The following ITSN1 variants were observed in gnomAD, a reference collection of about 807,000 sequenced individuals.
The protein encoded by ITSN1 is intersectin 1.
ITSN1 carries 58 observed loss-of-function variants against 239.8 expected under a neutral mutation model. The ratio of observed to expected loss-of-function variants is 0.24; its 90% CI spans 0.20 to 0.30. ITSN1 has a LOEUF of 0.30. ITSN1 is among the 10% of genes least tolerant of loss of function. The pLI is 1.00. For missense variants in ITSN1, 1,558 were observed against 2,103.3 expected (o/e 0.74, Z 5.07); for synonymous variants, 780 against 770.8 (o/e 1.01, Z -0.20).
At chr21:33,879,295 G>A (rs935355527) in intron 34 of ITSN1, among the ~76,000 whole-genome samples, 4 of 152,166 alleles carry the variant, frequency 2.6e-5, no homozygotes, top group Non-Finnish European at 4.4e-5. Context: ...AGGCTGCAGT[G>A]AGCCATGATC....
At chr21:33,784,037 C>T (rs910058819) in intron 16 of ITSN1, among the ~76,000 whole-genome samples, 6 of 152,180 alleles carry the variant, frequency 3.9e-5, no homozygotes, top group Non-Finnish European at 7.4e-5. Context: ...GAGTTTCTTA[C>T]ATAAAGGCCA....
intron 29 of ITSN1, among the ~76,000 whole-genome samples, chr21:33,847,947 G>C (rs2075035832): frequency 1.3e-5 from 2 of 152,340 alleles, no homozygotes; most frequent in East Asian, 3.9e-4. Context: ...GGTTTAGTTG[G>C]TCTGGGGTAC....
At position 33,690,800 on chromosome 21, in the gene ITSN1, T is replaced by TAA. The variant is rs2091491023; in HGVS notation, c.-32-27996_-32-27995insAA. Among the ~76,000 whole-genome samples, 2 of 20,912 alleles carry TAA rather than the reference T, an allele frequency of 9.6e-5. 1 individual carries two copies. Among genetic ancestry groups the TAA allele is most frequent in the Non-Finnish European group, 1.8e-4 (2 of 11,256 alleles). 13.7% of individuals were successfully genotyped at this position (20,912 alleles called of 152,430 possible). ...GTATATATATATATACATATATATATATATATATATATATGTATATATATA... is the reference window on the plus strand; with the variant it reads ...GTATATATATATATACATATATATATAAATATATATATATATGTATATATATA... On this transcript the variant is annotated intron_variant, in intron 1 of 39. Transcript: ENST00000381318.
At chr21:33,790,598 A>G (rs1452911389) in intron 16 of ITSN1, among the ~76,000 whole-genome samples, 1 of 152,196 alleles carries the variant, frequency 6.6e-6, no homozygotes, top group Non-Finnish European at 1.5e-5. Flanking sequence ...AGAAAAAAAA[A>G]TCACTTAACT....
At chr21:33,645,795 G>C (rs2087888432) in intron 1 of ITSN1, among the ~76,000 whole-genome samples, 1 of 152,236 alleles carries the variant, frequency 6.6e-6, no homozygotes, top group Non-Finnish European at 1.5e-5. Context: ...AGGGAAGTTG[G>C]AAACCACTGG....
intron 27 of ITSN1, 106 bp downstream of exon 27, chr21:33,829,851 T>A: frequency 7.5e-7 from 1 of 1,329,842 alleles, no homozygotes; most frequent in Non-Finnish European, 1.0e-6. Context: ...CCTCACCACC[T>A]AAATTCTGTA....
At chr21:33,858,938 A>G (rs956450119) in intron 31 of ITSN1, 146 bp downstream of exon 31, 3 of 509,970 alleles carry the variant, frequency 5.9e-6, no homozygotes, top group Non-Finnish European at 1.0e-5. Context: ...ACTCACAAAC[A>G]CCATCACCCT....
intron 6 of ITSN1, 109 bp from the exon 7 acceptor site, chr21:33,751,698 AGGG>A (rs1221725505): frequency 1.0e-5 from 8 of 779,724 alleles, no homozygotes; most frequent in Non-Finnish European, 1.7e-5. Context: ...GCTGGCAAGA[AGGG>A]GGAATTATTT....
intron 1 of ITSN1, among the ~76,000 whole-genome samples, chr21:33,696,720 C>CT (rs1455218991): frequency 6.6e-6 from 1 of 152,106 alleles, no homozygotes; most frequent in Non-Finnish European, 1.5e-5. Context: ...CTTTCTTGCC[C>CT]TTTTCGGTGT....
chr21:33,869,438 C>T (rs57693843), intron 33 of ITSN1, among the ~76,000 whole-genome samples: 5 of 152,244 alleles, frequency 3.3e-5, no homozygotes, highest in Admixed American at 3.3e-4. Context: ...TTATCTCCAC[C>T]TGGTCTCTCC....
At chr21:33,692,625 T>A (rs2091599321) in intron 1 of ITSN1, among the ~76,000 whole-genome samples, 1 of 152,230 alleles carries the variant, frequency 6.6e-6, no homozygotes, top group African/African-American at 2.4e-5. Context: ...CAGAATAACT[T>A]CTTTTACATC....
chr21:33,804,537 A>G (rs960521066), intron 20 of ITSN1, among the ~76,000 whole-genome samples: 4 of 152,242 alleles, frequency 2.6e-5, no homozygotes, highest in African/African-American at 9.6e-5. Context: ...TGATGTGCTC[A>G]GGGAAGACCA....
chr21:33,753,606 CA>C (rs2067707120), intron 7 of ITSN1, among the ~76,000 whole-genome samples: 1 of 151,418 alleles, frequency 6.6e-6, no homozygotes, highest in South Asian at 2.1e-4. Flanking sequence ...ACTAAAAATA[CA>C]AAAAATTAGC....
intron 5 of ITSN1, 129 bp downstream of exon 5, chr21:33,735,333 C>T: frequency 2.2e-6 from 2 of 925,158 alleles, no homozygotes; most frequent in Non-Finnish European, 3.5e-6. Context: ...AAAATGATGG[C>T]CCCCTGCAGG....
rs2091932988 is a variant in ITSN1, at chr21:33,699,800, C to T, written c.-32-18997C>T. On this transcript the variant is annotated intron_variant, in intron 1 of 39. Coordinates refer to ENST00000381318, the MANE Select transcript of ITSN1 (RefSeq NM_003024.3). ...TTTAGAGACAGTGTCTGACTGCCGCCCAGGCTGCAGTGCCAGTGGTGCCAT... is the reference window on the plus strand; with the variant it reads ...TTTAGAGACAGTGTCTGACTGCCGCTCAGGCTGCAGTGCCAGTGGTGCCAT... Among the ~76,000 whole-genome samples, 7 of 152,324 alleles carry T rather than the reference C, an allele frequency of 4.6e-5. No individual in the cohort carries two copies. In the South Asian group the frequency reaches 1.4e-3, roughly 32 times the overall value.
At chr21:33,886,205 C>A (rs767316159) in intron 38 of ITSN1, 82 bp from the exon 39 acceptor site, 29 of 1,173,506 alleles carry the variant, frequency 2.5e-5, no homozygotes, top group Non-Finnish European at 3.4e-5. Context: ...GAGCAAGAAT[C>A]CATCTAAAAA....
intron 18 of ITSN1, among the ~76,000 whole-genome samples, chr21:33,798,408 CT>C (rs913684451): frequency 3.9e-4 from 58 of 148,556 alleles, no homozygotes; most frequent in East Asian, 1.2e-3. Context: ...CCTAATTTGC[CT>C]TTTTTTTTTA....
At chr21:33,826,159 T>C (rs1455039380) in intron 25 of ITSN1, among the ~76,000 whole-genome samples, 2 of 152,188 alleles carry the variant, frequency 1.3e-5, no homozygotes, top group African/African-American at 2.4e-5. Flanking sequence ...TTTTAAACAC[T>C]TGATAGTTGG....
chr21:33,717,702 C>T (rs1192685110), intron 1 of ITSN1, among the ~76,000 whole-genome samples: 2 of 151,108 alleles, frequency 1.3e-5, no homozygotes, highest in African/African-American at 2.4e-5. Context: ...ACTACAGGCG[C>T]CCGCCACCAC....
Sources: allele counts gnomAD v4.1 joint callset (sites outside exome capture counted in the v4.1 genomes callset), GRCh38; gene constraint gnomAD v4.1.1; transcripts MANE v1.5; gene names NCBI Gene and HGNC (gene_info 2026-07-23, HGNC 2026-07-21).